KCNH5: variants seen among roughly 807,000 people sequenced by gnomAD.
KCNH5 encodes the protein voltage-gated delayed rectifier potassium channel KCNH5.
A neutral mutation model predicts 96.1 loss-of-function variants in KCNH5; 46 were observed. That is an observed-to-expected ratio of 0.48 (90% confidence interval 0.38 to 0.61). The LOEUF is 0.61. KCNH5 is among the 20% of genes least tolerant of loss of function. KCNH5 has a pLI of 0.00. For missense variants in KCNH5, 907 were observed against 1,225.8 expected (o/e 0.74, Z 3.88); for synonymous variants, 439 against 449.8 (o/e 0.98, Z 0.30).
At chr14:62,779,994 G>T in intron 9 of KCNH5, 70 bp from the exon 10 acceptor site, 1 of 1,310,242 alleles carries the variant, frequency 7.6e-7, no homozygotes. Flanking sequence ...TTGTTATTCA[G>T]TTTCATATAC....
chr14:62,855,105 G>A (rs578069779), intron 7 of KCNH5, among the ~76,000 whole-genome samples: 1 of 151,928 alleles, frequency 6.6e-6, no homozygotes, highest in African/African-American at 2.4e-5. Flanking sequence ...CATGCTGTGA[G>A]GAAGCCCGAG....
chr14:62,958,740 A>T (rs1890152470), intron 6 of KCNH5, among the ~76,000 whole-genome samples: 2 of 152,104 alleles, frequency 1.3e-5, no homozygotes, highest in African/African-American at 4.8e-5. Flanking sequence ...CTCAATTACC[A>T]GCTTTCTTCA....
intron 10 of KCNH5, among the ~76,000 whole-genome samples, chr14:62,747,245 G>A (rs1013440080): frequency 4.6e-5 from 7 of 152,034 alleles, no homozygotes; most frequent in African/African-American, 1.7e-4. Flanking sequence ...CAAGGCAGAA[G>A]AATCGCTTGA....
At chr14:63,024,111 C>T (rs144366464) in intron 1 of KCNH5, among the ~76,000 whole-genome samples, 6,999 of 151,374 alleles carry the variant, frequency 0.046, 179 homozygotes, top group East Asian at 0.06. Flanking sequence ...CAGGAGGCTG[C>T]GGCAGGAGAA....
At position 62,802,649 on chromosome 14, in the gene KCNH5, C is replaced by G. The variant is rs1014862805; in HGVS notation, c.1570-68G>C. 7 of 1,547,626 alleles carry G rather than the reference C, an allele frequency of 4.5e-6. No individual in the cohort carries two copies. The East Asian group carries it at 6.8e-5, about 15-fold the overall frequency. On this transcript the variant is annotated intron_variant, in intron 8 of 10. Transcript: ENST00000322893. ...GGGGCCACTTCAGAAAAACAATCAT[C>G]CAACAAATATTTATTGACTATGACT... is the stretch of plus-strand genomic sequence containing the variant.
chr14:62,809,101 A>G (rs1886824964), intron 8 of KCNH5, among the ~76,000 whole-genome samples: 1 of 152,146 alleles, frequency 6.6e-6, no homozygotes, highest in South Asian at 2.1e-4. Flanking sequence ...TTTGTTTTTC[A>G]GAGTCAAAGA....
chr14:62,718,838 G>A (rs900491164), intron 10 of KCNH5, among the ~76,000 whole-genome samples: 1 of 152,122 alleles, frequency 6.6e-6, no homozygotes, highest in Admixed American at 6.6e-5. Context: ...TGACAAAAAT[G>A]TAGTGTATCC....
intron 10 of KCNH5, among the ~76,000 whole-genome samples, chr14:62,772,382 T>TA (rs1886006028): frequency 6.6e-6 from 1 of 152,180 alleles, no homozygotes; most frequent in Non-Finnish European, 1.5e-5. Flanking sequence ...CTCATGCCTG[T>TA]AATCCCAGTA....
intron 10 of KCNH5, among the ~76,000 whole-genome samples, chr14:62,759,961 C>G (rs1885712382): frequency 6.6e-6 from 1 of 152,180 alleles, no homozygotes; most frequent in African/African-American, 2.4e-5. Flanking sequence ...CCTGCATCCC[C>G]ACTCCCAACA....
At chr14:62,812,439 T>A (rs1198926601) in intron 8 of KCNH5, among the ~76,000 whole-genome samples, 1 of 152,172 alleles carries the variant, frequency 6.6e-6, no homozygotes, top group Non-Finnish European at 1.5e-5. Flanking sequence ...GAGGAAGACA[T>A]CTTATTTGAA....
At chr14:62,878,197 G>C (rs1888417604) in intron 7 of KCNH5, among the ~76,000 whole-genome samples, 1 of 97,616 alleles carries the variant, frequency 1.0e-5, no homozygotes. Context: ...GACTGTTGTG[G>C]GGATGGGGGG....
At chr14:62,922,863 C>A (rs1889405554) in intron 7 of KCNH5, among the ~76,000 whole-genome samples, 1 of 151,846 alleles carries the variant, frequency 6.6e-6, no homozygotes, top group Non-Finnish European at 1.5e-5. Flanking sequence ...AAGCTTAAAG[C>A]CTTTTCCGTA....
chr14:62,781,291 T>C (rs1886206518), intron 9 of KCNH5, among the ~76,000 whole-genome samples: 1 of 152,086 alleles, frequency 6.6e-6, no homozygotes, highest in South Asian at 2.1e-4. Flanking sequence ...TAATAGAATA[T>C]CACAAGGCAA....
chr14:62,937,000 A>G (rs916671928), intron 7 of KCNH5, among the ~76,000 whole-genome samples: 5 of 151,312 alleles, frequency 3.3e-5, no homozygotes, highest in African/African-American at 1.2e-4. Flanking sequence ...AAAAAAAAAA[A>G]AGATGAAGAA....
chr14:62,799,504 C>T (rs1207019315), intron 9 of KCNH5, among the ~76,000 whole-genome samples: 38 of 129,808 alleles, frequency 2.9e-4, no homozygotes, highest in Admixed American at 1.4e-3. Context: ...ACCTGGGAGG[C>T]GGAGGTTGCG....
chr14:62,904,554 T>C (rs1888990534), intron 7 of KCNH5, among the ~76,000 whole-genome samples: 1 of 152,140 alleles, frequency 6.6e-6, no homozygotes. Context: ...TGGAGATGTC[T>C]TGGGTCACCC....
intron 10 of KCNH5, among the ~76,000 whole-genome samples, chr14:62,759,345 C>G (rs1206531028): frequency 6.6e-6 from 1 of 151,922 alleles, no homozygotes; most frequent in Admixed American, 6.6e-5. Flanking sequence ...TTCTGAAGAG[C>G]CTTTAAGAAA....
chr14:62,929,259 C>G (rs1474937492), intron 7 of KCNH5, among the ~76,000 whole-genome samples: 3 of 152,002 alleles, frequency 2.0e-5, no homozygotes, highest in Non-Finnish European at 4.4e-5. Context: ...CAAAACATAA[C>G]CAGAGTCTCG....
intron 8 of KCNH5, among the ~76,000 whole-genome samples, chr14:62,823,366 CATA>C (rs1887153297): frequency 6.6e-6 from 1 of 152,082 alleles, no homozygotes; most frequent in Non-Finnish European, 1.5e-5. Context: ...TCAGAAAGCT[CATA>C]CGTTGCCCTG....
Sources: gnomAD v4.1 joint callset for allele counts (sites outside exome capture counted in the v4.1 genomes callset) on GRCh38, gnomAD v4.1.1 for gene constraint, MANE v1.5 for transcripts, NCBI Gene and HGNC (gene_info 2026-07-23, HGNC 2026-07-21) for gene names.